Variants in DUSP22 observed in about 807,000 individuals in gnomAD.
DUSP22 encodes dual specificity protein phosphatase 22.
A neutral mutation model predicts 24.5 loss-of-function variants in DUSP22; 24 were observed. The observed-to-expected ratio is 0.98, with a 90% CI of 0.71 to 1.38. The LOEUF is 1.38. DUSP22 is among the 40% of genes most tolerant of loss of function. DUSP22 has a pLI of 0.00. For missense variants in DUSP22, 330 were observed against 269.2 expected, an observed-to-expected ratio of 1.23 and a Z score of -1.58; for synonymous variants, 160 against 106.4, an observed-to-expected ratio of 1.50 and a Z score of -3.10.
Position 351,078 on chromosome 6 carries a change from G to A in DUSP22, c.*2127G>A. On this transcript the variant is annotated 3_prime_UTR_variant, in exon 7 of 7. Coordinates refer to ENST00000419235, the MANE Select transcript of DUSP22 (RefSeq NM_001286555.3). ...TTTTCCCCTTATCCCCACTGCTGTG[G>A]AGGTTTCTGTACCTCGCTTGGATGC... The A allele has an allele frequency of 1.3e-6, 1 of 785,292 alleles. No individual in the cohort carries two copies. The highest frequency in any genetic ancestry group is 1.9e-5 in the South Asian group (1 of 53,408). 48.6% of individuals were successfully genotyped at this position (785,292 alleles called of 1,614,324 possible).
At chr6:323,270 G>A (rs1192724624) in intron 3 of DUSP22, among the ~76,000 whole-genome samples, 1 of 152,072 alleles carries the variant, frequency 6.6e-6, no homozygotes, top group African/African-American at 2.4e-5. Context: ...GTGTTGAGGT[G>A]GACAGTATCA....
At chr6:321,108 A>C (rs1481542018) in intron 3 of DUSP22, among the ~76,000 whole-genome samples, 3 of 152,300 alleles carry the variant, frequency 2.0e-5, no homozygotes, top group African/African-American at 4.8e-5. Flanking sequence ...CTAAATGATC[A>C]TAGAGGTTTG....
chr6:315,391 A>G (rs1260355812), intron 3 of DUSP22, among the ~76,000 whole-genome samples: 1 of 152,304 alleles, frequency 6.6e-6, no homozygotes, highest in Admixed American at 6.5e-5. Context: ...GTTGGGAGAC[A>G]GGAAAGGACT....
At position 311,947 on chromosome 6, in the gene DUSP22, C is replaced by T; in HGVS notation, c.123C>T (p.Ala41=). The part of the protein sequence containing the change: ...VTHILSVHDS[A]RPMLEGVKYL... The stretch of plus-strand genomic sequence containing the variant: ...ATATTCTGTCTGTCCACGATAGTGC[C>T]AGGCCTATGTTGGAGGTAAGAGAGC... The change falls in exon 3 of 7, where the codon GCC becomes GCT. Residue 41 remains alanine, a synonymous_variant. Transcript: ENST00000419235. The T allele has an allele frequency of 6.2e-7, 1 of 1,612,028 alleles. No homozygotes were observed. The highest frequency in any genetic ancestry group is 1.3e-5 in the African/African-American group (1 of 75,002).
intron 3 of DUSP22, among the ~76,000 whole-genome samples, chr6:329,706 C>T (rs1759055356): frequency 6.6e-6 from 1 of 152,306 alleles, no homozygotes. Context: ...CCTGCCTTGC[C>T]CTCCCAAAGT....
intron 1 of DUSP22, among the ~76,000 whole-genome samples, chr6:298,967 C>T (rs927373403): frequency 2.0e-5 from 3 of 152,302 alleles, no homozygotes; most frequent in African/African-American, 4.8e-5. Context: ...GAGAGAGTGC[C>T]AGGGAGTTTG....
chr6:317,435 C>A (rs896978070), intron 3 of DUSP22, among the ~76,000 whole-genome samples: 18 of 152,296 alleles, frequency 1.2e-4, no homozygotes, highest in Non-Finnish European at 2.5e-4. Context: ...TGTGTGTATT[C>A]TCTTTCCTCT....
At chr6:315,146 C>G (rs1758286072) in intron 3 of DUSP22, among the ~76,000 whole-genome samples, 1 of 152,302 alleles carries the variant, frequency 6.6e-6, no homozygotes, top group African/African-American at 2.4e-5. Flanking sequence ...CAATTACTAC[C>G]TCTTCAGAAG....
intron 4 of DUSP22, among the ~76,000 whole-genome samples, chr6:342,318 A>C (rs1330057775): frequency 6.6e-6 from 1 of 152,306 alleles, no homozygotes; most frequent in Non-Finnish European, 1.5e-5. Context: ...CACAGAACAG[A>C]CCAGCGTGGG....
intron 4 of DUSP22, among the ~76,000 whole-genome samples, chr6:341,293 G>A (rs1343014831): frequency 9.8e-5 from 15 of 152,306 alleles, no homozygotes; most frequent in Non-Finnish European, 1.8e-4. Context: ...ACGGAGAGCA[G>A]GAACAGGGAA....
chr6:299,994 AGG>A (rs1260693725), intron 1 of DUSP22, among the ~76,000 whole-genome samples: 2 of 152,304 alleles, frequency 1.3e-5, no homozygotes, highest in Non-Finnish European at 2.9e-5. Flanking sequence ...TACCTACCCA[AGG>A]GAGAACCAAT....
intron 4 of DUSP22, among the ~76,000 whole-genome samples, chr6:343,759 A>G (rs1037508056): frequency 6.7e-6 from 1 of 149,520 alleles, no homozygotes; most frequent in South Asian, 2.1e-4. Flanking sequence ...CATCTCACTG[A>G]GCACCTGCCG....
intron 4 of DUSP22, among the ~76,000 whole-genome samples, chr6:340,553 A>G (rs1261758771): frequency 3.9e-5 from 6 of 152,306 alleles, no homozygotes; most frequent in South Asian, 4.1e-4. Context: ...AAAAACATAC[A>G]TATTTACATA....
intron 1 of DUSP22, among the ~76,000 whole-genome samples, chr6:295,381 C>T (rs536886152): frequency 9.6e-4 from 147 of 152,336 alleles, no homozygotes; most frequent in African/African-American, 3.3e-3. Flanking sequence ...GGCTCCTGTA[C>T]GGCGGAATAT....
intron 3 of DUSP22, among the ~76,000 whole-genome samples, chr6:325,010 T>C (rs577273237): frequency 3.4e-3 from 525 of 152,206 alleles, no homozygotes; most frequent in African/African-American, 0.012. Context: ...CTCAGGGAGA[T>C]AGGTACAGCA....
At chr6:344,693 C>T (rs1479773234) in intron 4 of DUSP22, among the ~76,000 whole-genome samples, 9 of 152,300 alleles carry the variant, frequency 5.9e-5, no homozygotes, top group African/African-American at 2.2e-4. Flanking sequence ...ATGGCTTGTC[C>T]TGGGCCACAC....
intron 3 of DUSP22, among the ~76,000 whole-genome samples, chr6:317,216 C>T (rs1049453941): frequency 7.2e-5 from 11 of 152,302 alleles, no homozygotes; most frequent in African/African-American, 2.2e-4. Flanking sequence ...GCCCAGTCTG[C>T]TTGGACGGCC....
At chr6:336,461 G>C (rs1759366384) in intron 4 of DUSP22, among the ~76,000 whole-genome samples, 1 of 152,304 alleles carries the variant, frequency 6.6e-6, no homozygotes, top group Non-Finnish European at 1.5e-5. Context: ...GGGAGTTATT[G>C]AACGCTGGCC....
intron 6 of DUSP22, 40 bp downstream of exon 6, chr6:348,314 G>GCC: frequency 6.2e-7 from 1 of 1,611,468 alleles, no homozygotes; most frequent in Non-Finnish European, 8.5e-7. Context: ...GCAGGCAGGT[G>GCC]CCCCTGAACG....
Sources: allele counts gnomAD v4.1 joint callset (sites outside exome capture counted in the v4.1 genomes callset), GRCh38; gene constraint gnomAD v4.1.1; transcripts MANE v1.5; gene names NCBI Gene and HGNC (gene_info 2026-07-23, HGNC 2026-07-21).